The following PTPN13 variants were observed in gnomAD, a reference collection of about 807,000 sequenced individuals.
PTPN13 encodes protein tyrosine phosphatase non-receptor type 13, also known as tyrosine-protein phosphatase non-receptor type 13.
A neutral mutation model predicts 284.0 loss-of-function variants in PTPN13; 191 were observed. The ratio of observed to expected loss-of-function variants is 0.67; its 90% confidence interval spans 0.60 to 0.76. PTPN13 has a LOEUF of 0.76. Among genes scored for constraint, PTPN13 ranks in the 30% least tolerant of loss-of-function variants. The pLI, the probability that PTPN13 is intolerant of heterozygous loss-of-function variation, is 0.00. For synonymous variants in PTPN13, 986 were observed against 1,022.3 expected (o/e 0.96, Z 0.68); for missense variants, 2,797 against 2,939.9 (o/e 0.95, Z 1.12).
At chr4:86,734,576 A>G (rs1735286450) in intron 13 of PTPN13, 120 bp downstream of exon 13, 1 of 1,269,544 alleles carries the variant, frequency 7.9e-7, no homozygotes, top group South Asian at 1.7e-5. Context: ...TCATAAAAGT[A>G]ATATTTCTTT....
chr4:86,753,045 A>G lies in PTPN13; in HGVS notation c.3203A>G (p.Gln1068Arg). Residue 1068 changes from glutamine (Q) to arginine (R), a missense_variant, in exon 20 of 48, where the codon CAA (glutamine) becomes CGA (arginine). Transcript: ENST00000411767. ...CATAGTTCTGGAAACTCTTCATCCCAAGTACCCTTAAAAGAAAATGGTAGG... is the reference window on the plus strand; with the variant it reads ...CATAGTTCTGGAAACTCTTCATCCCGAGTACCCTTAAAAGAAAATGGTAGG... ...TMHSSGNSSSQVPLKENDVLH... is the reference protein window; with the variant it reads ...TMHSSGNSSSRVPLKENDVLH... 6.2e-7 allele frequency: 1 copy of G among 1,607,788 alleles called. No individual in the cohort carries two copies. Among genetic ancestry groups the G allele is most frequent in the Non-Finnish European group, 8.5e-7 (1 of 1,175,450 alleles).
At chr4:86,727,085 A>G (rs1160765630) in intron 10 of PTPN13, among the ~76,000 whole-genome samples, 1 of 149,192 alleles carries the variant, frequency 6.7e-6, no homozygotes, top group Non-Finnish European at 1.5e-5. Context: ...TGGTTTTTGT[A>G]GTTGTTTCTG....
intron 3 of PTPN13, among the ~76,000 whole-genome samples, chr4:86,678,820 A>G (rs1176285217): frequency 6.6e-6 from 1 of 152,174 alleles, no homozygotes; most frequent in African/African-American, 2.4e-5. Flanking sequence ...GTCTACATAT[A>G]TTAGCTTTCA....
intron 2 of PTPN13, chr4:86,661,202 TG>T: frequency 2.6e-6 from 1 of 382,902 alleles, no homozygotes; most frequent in Non-Finnish European, 5.1e-6. Context: ...AGATAATATT[TG>T]CCTGGTTTTG....
intron 36 of PTPN13, among the ~76,000 whole-genome samples, chr4:86,781,429 A>C (rs989443989): frequency 6.6e-6 from 1 of 152,228 alleles, no homozygotes; most frequent in African/African-American, 2.4e-5. Context: ...ATAGCTAAGA[A>C]TTAAAATTAA....
intron 6 of PTPN13, among the ~76,000 whole-genome samples, chr4:86,695,305 T>G (rs1578432354): frequency 6.6e-6 from 1 of 152,224 alleles, no homozygotes; most frequent in East Asian, 1.9e-4. Flanking sequence ...GAAAGTATTT[T>G]TCATCCTTTC....
chr4:86,662,064 A>G (rs544635273), intron 2 of PTPN13, among the ~76,000 whole-genome samples: 1 of 152,314 alleles, frequency 6.6e-6, no homozygotes, highest in South Asian at 2.1e-4. Context: ...ACTGGTAATT[A>G]TCTCTGTTGT....
chr4:86,814,151 C>A (rs943774859), intron 47 of PTPN13, among the ~76,000 whole-genome samples: 1 of 151,208 alleles, frequency 6.6e-6, no homozygotes, highest in Non-Finnish European at 1.5e-5. Flanking sequence ...GGACTACAGG[C>A]GCGTGCCACG....
At chr4:86,727,027 TG>T (rs1734349465) in intron 10 of PTPN13, among the ~76,000 whole-genome samples, 1 of 149,718 alleles carries the variant, frequency 6.7e-6, no homozygotes, top group Admixed American at 6.7e-5. Flanking sequence ...CATGAAGGGC[TG>T]TTTAATTGTG....
At chr4:86,716,087 C>T (rs1314592186) in intron 7 of PTPN13, among the ~76,000 whole-genome samples, 3 of 152,080 alleles carry the variant, frequency 2.0e-5, no homozygotes, top group Admixed American at 2.0e-4. Flanking sequence ...ATTGTCTATT[C>T]CTTATAGAAT....
chr4:86,687,990 C>T (rs561821543), intron 4 of PTPN13, among the ~76,000 whole-genome samples: 4 of 152,222 alleles, frequency 2.6e-5, no homozygotes, highest in African/African-American at 7.2e-5. Context: ...ACTATAGTGA[C>T]GCTTGCCTAT....
At chr4:86,635,500 A>ATTC in intron 2 of PTPN13, 129 bp downstream of exon 2, 1 of 1,345,280 alleles carries the variant, frequency 7.4e-7, no homozygotes, top group Non-Finnish European at 9.9e-7. Context: ...TGAAAGGAAT[A>ATTC]CTTTCCTTAT....
chr4:86,696,032 T>C (rs1366527324), intron 6 of PTPN13, among the ~76,000 whole-genome samples: 2 of 152,014 alleles, frequency 1.3e-5, no homozygotes, highest in Non-Finnish European at 2.9e-5. Context: ...TTAGATTTTA[T>C]TACTTTCAAT....
In PTPN13 at chr4:86,695,586, T is replaced by G. The variant is rs1025378547; in HGVS notation, c.634+1912T>G. On this transcript the variant is annotated intron_variant, in intron 6 of 47. Transcript: ENST00000411767. ...GAGACATAGTGAACATTTTAATAAG[T>G]AGAACATTAGATTTAAAAGACATTT... Among the ~76,000 whole-genome samples the G allele has an allele frequency of 2.6e-5, 4 of 152,040 alleles. No individual in the cohort carries two copies. In the South Asian group the frequency reaches 6.2e-4, roughly 24 times the overall value.
At chr4:86,768,611 G>GA (rs796789078) in intron 28 of PTPN13, among the ~76,000 whole-genome samples, 7 of 150,072 alleles carry the variant, frequency 4.7e-5, no homozygotes, top group South Asian at 2.1e-4. Flanking sequence ...AAAATAATGA[G>GA]AAAAAATAAC....
intron 10 of PTPN13, among the ~76,000 whole-genome samples, chr4:86,725,499 T>C (rs1280827602): frequency 1.3e-5 from 2 of 149,720 alleles, no homozygotes; most frequent in Non-Finnish European, 3.0e-5. Context: ...GACTTTTTAA[T>C]GATTGCTTTT....
chr4:86,650,325 G>A (rs563272374), intron 2 of PTPN13, among the ~76,000 whole-genome samples: 11 of 151,570 alleles, frequency 7.3e-5, no homozygotes, highest in African/African-American at 1.5e-4. Flanking sequence ...TCGTTTTTTC[G>A]TTTCAAGATG....
intron 1 of PTPN13, among the ~76,000 whole-genome samples, chr4:86,598,151 C>CT (rs56694801): frequency 0.06 from 8,511 of 141,412 alleles, 318 homozygotes; most frequent in Admixed American, 0.12. Context: ...CTTTGTTGTG[C>CT]TTTTTTTTTT....
In PTPN13 at chr4:86,751,117, T is replaced by A. The variant is rs1161405207; in HGVS notation, c.3159T>A (p.Tyr1053Ter). Residue 1053 changes from tyrosine (Y) to a stop codon, truncating the protein, a stop_gained, in exon 19 of 48, where the codon TAT (tyrosine) becomes TAA (stop). Coordinates refer to ENST00000411767, the MANE Select transcript of PTPN13 (RefSeq NM_080683.3). LOFTEE classifies it high-confidence loss of function. ...SSSIEDPGQA[Y>*]VLGMTMHSSG... ...CCATTGAAGACCCTGGGCAAGCATA[T>A]GTTCTAGGTCAGCAAAAACAAGCTT... 1.3e-6 allele frequency: 2 copies of A among 1,589,130 alleles called. No individual in the cohort carries two copies. Among genetic ancestry groups the A allele is most frequent in the East Asian group, 4.5e-5 (2 of 44,700 alleles).
Sources: gnomAD v4.1 joint callset for allele counts (sites outside exome capture counted in the v4.1 genomes callset) on GRCh38, gnomAD v4.1.1 for gene constraint, MANE v1.5 for transcripts, NCBI Gene and HGNC (gene_info 2026-07-23, HGNC 2026-07-21) for gene names.